The following RIMS2 variants were observed in gnomAD, a reference collection of about 807,000 sequenced individuals.
RIMS2 encodes the protein regulating synaptic membrane exocytosis protein 2.
RIMS2 carries 59 observed loss-of-function variants against 174.4 expected under a neutral mutation model. The ratio of observed to expected loss-of-function variants is 0.34; its 90% CI spans 0.27 to 0.42. The LOEUF (loss-of-function observed/expected upper bound fraction) is 0.42. RIMS2 is among the 10% of genes least tolerant of loss of function. The probability of loss-of-function intolerance (pLI) is 1.00; values close to 1 mark genes in which losing one functional copy is unlikely to be tolerated. For missense variants in RIMS2, 1,620 were observed against 1,666.3 expected (o/e 0.97, Z 0.48); for synonymous variants, 606 against 572.5 (o/e 1.06, Z -0.84).
chr8:104,023,095 A>C (rs1046221677), intron 19 of RIMS2, among the ~76,000 whole-genome samples: 4 of 152,186 alleles, frequency 2.6e-5, no homozygotes, highest in Non-Finnish European at 4.4e-5. Context: ...GAGTAAGTTT[A>C]AGGGAGGACA....
intron 3 of RIMS2, among the ~76,000 whole-genome samples, chr8:103,780,645 C>A (rs1208623821): frequency 6.6e-6 from 1 of 151,936 alleles, no homozygotes; most frequent in Non-Finnish European, 1.5e-5. Context: ...GAATTGCTTT[C>A]TGTGTTAACT....
chr8:103,519,575 CT>C (rs1830635160), intron 1 of RIMS2, among the ~76,000 whole-genome samples: 1 of 152,046 alleles, frequency 6.6e-6, no homozygotes, highest in African/African-American at 2.4e-5. Context: ...TTGTTATAGC[CT>C]TCCAGTTTGA....
intron 1 of RIMS2, among the ~76,000 whole-genome samples, chr8:103,564,081 C>G (rs2092010218): frequency 1.3e-5 from 2 of 152,222 alleles, no homozygotes; most frequent in Admixed American, 1.3e-4. Flanking sequence ...CATTGTTGCA[C>G]TGCAGTGTCT....
intron 19 of RIMS2, among the ~76,000 whole-genome samples, chr8:104,128,187 T>C (rs1205803457): frequency 1.3e-5 from 2 of 152,156 alleles, no homozygotes; most frequent in Non-Finnish European, 2.9e-5. Flanking sequence ...AAATTTAAAT[T>C]CTTCCCAGTC....
intron 1 of RIMS2, among the ~76,000 whole-genome samples, chr8:103,661,700 T>G (rs2096602853): frequency 6.6e-6 from 1 of 152,162 alleles, no homozygotes; most frequent in Admixed American, 6.5e-5. Flanking sequence ...GAGATGGGGT[T>G]TCACCGTGTT....
At chr8:103,936,970 C>T (rs907824060) in intron 13 of RIMS2, among the ~76,000 whole-genome samples, 9 of 151,936 alleles carry the variant, frequency 5.9e-5, no homozygotes, top group Non-Finnish European at 1.2e-4. Context: ...TGGTGGTGGG[C>T]GCCTGTAGTC....
intron 2 of RIMS2, among the ~76,000 whole-genome samples, chr8:103,728,690 T>C (rs1372804277): frequency 6.7e-6 from 1 of 150,340 alleles, no homozygotes; most frequent in Non-Finnish European, 1.5e-5. Flanking sequence ...CCCTGTACAG[T>C]GTTATACTCA....
At chr8:104,251,070 C>T in exon 23 of RIMS2, 1 of 1,613,270 alleles carries the variant, frequency 6.2e-7, no homozygotes, top group Non-Finnish European at 8.5e-7. Flanking sequence ...TCTGCATAGC[C>T]AAAAAGAAAA....
At chr8:103,936,791 A>G in intron 13 of RIMS2, 69 bp downstream of exon 15, 1 of 1,230,810 alleles carries the variant, frequency 8.1e-7, no homozygotes, top group Non-Finnish European at 1.1e-6. Context: ...TATAACTGTC[A>G]GTATAATTTC....
chr8:103,868,348 C>T (rs1000524815), intron 3 of RIMS2, among the ~76,000 whole-genome samples: 4 of 151,964 alleles, frequency 2.6e-5, no homozygotes, highest in African/African-American at 7.2e-5. Context: ...TAAGGCAATA[C>T]GTTCTTGTTC....
At chr8:104,107,666 G>A (rs930238718) in intron 19 of RIMS2, among the ~76,000 whole-genome samples, 1 of 152,240 alleles carries the variant, frequency 6.6e-6, no homozygotes, top group Non-Finnish European at 1.5e-5. Context: ...GTCCAGGACA[G>A]GCTGGTATTG....
chr8:104,226,689 A>G (rs1366582394), intron 19 of RIMS2, among the ~76,000 whole-genome samples: 1 of 152,192 alleles, frequency 6.6e-6, no homozygotes, highest in Non-Finnish European at 1.5e-5. Context: ...GAGTTAGAGA[A>G]GGGTGCCCTG....
At chr8:103,610,860 T>A (rs533812707) in intron 1 of RIMS2, among the ~76,000 whole-genome samples, 1 of 152,232 alleles carries the variant, frequency 6.6e-6, no homozygotes, top group African/African-American at 2.4e-5. Flanking sequence ...TCGAGAGGAG[T>A]TCATTCACAA....
chr8:103,511,058 A>G (rs756219327), intron 1 of RIMS2, among the ~76,000 whole-genome samples: 2 of 152,170 alleles, frequency 1.3e-5, no homozygotes, highest in Non-Finnish European at 2.9e-5. Flanking sequence ...ATGTTGTACT[A>G]TAGTTTATAA....
At chr8:103,737,394 C>T (rs779060526) in intron 2 of RIMS2, among the ~76,000 whole-genome samples, 15 of 151,712 alleles carry the variant, frequency 9.9e-5, no homozygotes, top group Non-Finnish European at 2.1e-4. Context: ...ACCATGTTGG[C>T]CAGGCTTGTC....
chr8:104,023,748 G>C (rs1248292529), intron 19 of RIMS2, among the ~76,000 whole-genome samples: 2 of 152,102 alleles, frequency 1.3e-5, no homozygotes, highest in Non-Finnish European at 2.9e-5. Context: ...TCCTTATAAA[G>C]AGGTATTTAC....
chr8:103,703,148 T>G (rs1383499817), intron 2 of RIMS2, among the ~76,000 whole-genome samples: 1 of 152,036 alleles, frequency 6.6e-6, no homozygotes, highest in African/African-American at 2.4e-5. Context: ...ACCTGGCTAA[T>G]TTTTTGATTT....
chr8:103,858,360 AG>A lies in RIMS2; in HGVS notation c.699-26937del, dbSNP rs938713647. ...GATATATATGAAGGAATAAAAATTGAGTGAAACAATTTATAAATTATTGGGT... is the reference window on the plus strand; with the variant it reads ...GATATATATGAAGGAATAAAAATTGATGAAACAATTTATAAATTATTGGGT... On this transcript the variant is annotated intron_variant, in intron 3 of 23. Coordinates refer to ENST00000504942, the Ensembl canonical transcript of RIMS2. Among the ~76,000 whole-genome samples, 91 of 152,218 alleles carry A rather than the reference AG, an allele frequency of 6.0e-4. 1 individual carries two copies. Among genetic ancestry groups the A allele is most frequent in the African/African-American group, 2.1e-3 (86 of 41,550 alleles).
chr8:103,770,020 A>G (rs1405852424), intron 3 of RIMS2, among the ~76,000 whole-genome samples: 2 of 152,168 alleles, frequency 1.3e-5, no homozygotes, highest in Non-Finnish European at 2.9e-5. Flanking sequence ...TTTAAAGAGT[A>G]TTTCTTTTAT....
Sources: gnomAD v4.1 joint callset for allele counts (sites outside exome capture counted in the v4.1 genomes callset) on GRCh38, gnomAD v4.1.1 for gene constraint, MANE v1.5 for transcripts, NCBI Gene and HGNC (gene_info 2026-07-23, HGNC 2026-07-21) for gene names.